Variants in SUFU observed in about 807,000 individuals in gnomAD.
The protein encoded by SUFU is SUFU negative regulator of hedgehog signaling.
Under a neutral mutation model 58.9 loss-of-function variants are expected in SUFU, and 7 were observed. That is an observed-to-expected ratio of 0.12 (90% confidence interval 0.07 to 0.22). The LOEUF is 0.22. Ranked by LOEUF, SUFU falls within the 10% of genes least tolerant of loss-of-function variation. The pLI, the probability that SUFU is intolerant of heterozygous loss-of-function variation, is 1.00. For missense variants in SUFU, 451 were observed against 641.3 expected (o/e 0.70, Z 3.20); for synonymous variants, 232 against 254.8 (o/e 0.91, Z 0.85).
At chr10:102,539,622 T>C (rs937119465) in intron 2 of SUFU, among the ~76,000 whole-genome samples, 1 of 152,242 alleles carries the variant, frequency 6.6e-6, no homozygotes, top group Admixed American at 6.5e-5. Context: ...ATTACAATAG[T>C]TGTCAAATGG....
At chr10:102,557,853 C>G (rs937115042) in intron 3 of SUFU, among the ~76,000 whole-genome samples, 1 of 152,018 alleles carries the variant, frequency 6.6e-6, no homozygotes, top group African/African-American at 2.4e-5. Context: ...GTAGTCCCAG[C>G]AGGCACAGGG....
At chr10:102,559,386 C>T (rs1564680711) in intron 3 of SUFU, among the ~76,000 whole-genome samples, 1 of 152,174 alleles carries the variant, frequency 6.6e-6, no homozygotes, top group Admixed American at 6.5e-5. Flanking sequence ...CCTAAGAAGC[C>T]CCAGCCCTGC....
intron 2 of SUFU, among the ~76,000 whole-genome samples, chr10:102,547,514 G>A (rs139620487): frequency 1.3e-5 from 2 of 152,320 alleles, no homozygotes; most frequent in Non-Finnish European, 2.9e-5. Flanking sequence ...AAATGAAACC[G>A]TGGATACTTC....
intron 1 of SUFU, among the ~76,000 whole-genome samples, chr10:102,505,412 G>A (rs1038942658): frequency 2.2e-4 from 33 of 152,208 alleles, no homozygotes; most frequent in African/African-American, 7.2e-4. Flanking sequence ...CATTCATGCA[G>A]GCATTGTGTA....
intron 2 of SUFU, among the ~76,000 whole-genome samples, chr10:102,548,463 C>T (rs1261757985): frequency 6.6e-6 from 1 of 152,212 alleles, no homozygotes; most frequent in African/African-American, 2.4e-5. Flanking sequence ...GCATTGACTG[C>T]ATCATCAGCC....
intron 3 of SUFU, among the ~76,000 whole-genome samples, chr10:102,552,331 G>A (rs1432895940): frequency 7.4e-6 from 1 of 134,468 alleles, no homozygotes; most frequent in African/African-American, 2.5e-5. Flanking sequence ...TACTTGGGAG[G>A]CTGAGGTAGG....
chr10:102,556,286 G>A (rs2062976207), intron 3 of SUFU, among the ~76,000 whole-genome samples: 1 of 152,190 alleles, frequency 6.6e-6, no homozygotes, highest in Admixed American at 6.5e-5. Flanking sequence ...CTGGCAGACA[G>A]CTACCCTCTG....
rs1434613676 is a variant in SUFU at position 102,568,895 on chromosome 10, AAAATATATAT to A, written c.454+18791_454+18800del. ...GTCTCAAAAAAAAAAAAAAAAAAAA[AAAATATATAT>A]ATATATATATATATACACATATATA... On this transcript the variant is annotated intron_variant, in intron 3 of 11. Coordinates refer to ENST00000369902, the MANE Select transcript of SUFU (RefSeq NM_016169.4). Among the ~76,000 whole-genome samples the A allele has an allele frequency of 4.2e-4, 10 of 23,854 alleles. 1 individual carries two copies. The highest frequency in any genetic ancestry group is 4.2e-4 in the Non-Finnish European group (6 of 14,256). The allele number at this position is 23,854 out of a possible 152,430, so 15.6% of individuals were successfully genotyped here.
intron 7 of SUFU, among the ~76,000 whole-genome samples, chr10:102,597,508 A>G (rs2063475495): frequency 6.6e-6 from 1 of 152,250 alleles, no homozygotes; most frequent in African/African-American, 2.4e-5. Context: ...GTGTATTTCA[A>G]ATGCATCACC....
chr10:102,585,724 G>T (rs2063329020), intron 3 of SUFU, among the ~76,000 whole-genome samples: 1 of 151,858 alleles, frequency 6.6e-6, no homozygotes. Flanking sequence ...TGCCATGGTT[G>T]CCCTGGCTGG....
At chr10:102,511,859 C>T (rs999342820) in intron 2 of SUFU, among the ~76,000 whole-genome samples, 2 of 152,114 alleles carry the variant, frequency 1.3e-5, no homozygotes, top group Non-Finnish European at 2.9e-5. Context: ...TACAGGCATG[C>T]ACCACCACAC....
rs180784918 is a variant in SUFU at position 102,567,957 on chromosome 10, G to A, written c.454+17851G>A. ...TCCTGGGCCAACCGGGCATGTCTAG[G>A]TCCTCCTGTATTGAGTACCGTGGTG... On this transcript the variant is annotated intron_variant, in intron 3 of 11. Transcript: ENST00000369902. 2.0e-5 allele frequency among the ~76,000 whole-genome samples: 3 copies of A among 152,184 alleles called. No individual in the cohort carries two copies. The East Asian group carries it at 5.8e-4, about 29-fold the overall frequency.
At chr10:102,615,194 G>T in intron 8 of SUFU, 74 bp from the exon 9 acceptor site, 1 of 1,601,144 alleles carries the variant, frequency 6.2e-7, no homozygotes, top group Non-Finnish European at 8.5e-7. Context: ...CAGGAGCCCA[G>T]CTGGAGACTC....
At chr10:102,558,578 A>G (rs569533043) in intron 3 of SUFU, among the ~76,000 whole-genome samples, 12 of 152,318 alleles carry the variant, frequency 7.9e-5, no homozygotes, top group African/African-American at 2.9e-4. Context: ...CTGTCTGGCC[A>G]TGTGACCACC....
At chr10:102,545,542 C>T (rs1202517560) in intron 2 of SUFU, among the ~76,000 whole-genome samples, 1 of 152,144 alleles carries the variant, frequency 6.6e-6, no homozygotes, top group East Asian at 1.9e-4. Context: ...AAAGTAGCTC[C>T]ATCATTTTAT....
intron 1 of SUFU, among the ~76,000 whole-genome samples, chr10:102,506,829 T>G (rs2062333425): frequency 6.6e-6 from 1 of 152,154 alleles, no homozygotes; most frequent in Non-Finnish European, 1.5e-5. Context: ...CAGGGTAGCT[T>G]GGGATTCATT....
chr10:102,604,035 G>A (rs1205851376), intron 8 of SUFU, among the ~76,000 whole-genome samples: 4 of 152,244 alleles, frequency 2.6e-5, no homozygotes, highest in African/African-American at 9.6e-5. Context: ...GAAGGGCAGT[G>A]TTGGGTAACC....
intron 3 of SUFU, among the ~76,000 whole-genome samples, chr10:102,590,141 C>CTTTTTTTTTTCTTTT (rs2063380533): frequency 1.3e-5 from 1 of 76,202 alleles, no homozygotes; most frequent in Non-Finnish European, 2.8e-5. Context: ...CCGACTTTTT[C>CTTTTTTTTTTCTTTT]TTTTTTTTTT....
At chr10:102,573,801 C>CA (rs2063186339) in intron 3 of SUFU, among the ~76,000 whole-genome samples, 1 of 151,888 alleles carries the variant, frequency 6.6e-6, no homozygotes, top group Non-Finnish European at 1.5e-5. Flanking sequence ...AGACAGAAGG[C>CA]AAAATGTTGG....
Sources: allele counts gnomAD v4.1 joint callset (sites outside exome capture counted in the v4.1 genomes callset), GRCh38; gene constraint gnomAD v4.1.1; transcripts MANE v1.5; gene names NCBI Gene and HGNC (gene_info 2026-07-23, HGNC 2026-07-21).